Variants in ADGRB3 observed in about 807,000 individuals in gnomAD.
ADGRB3 encodes brain-specific angiogenesis inhibitor 3.
Under a neutral mutation model 193.4 loss-of-function variants are expected in ADGRB3, and 37 were observed. The observed-to-expected ratio is 0.19, with a 90% CI of 0.15 to 0.25. The LOEUF (loss-of-function observed/expected upper bound fraction) is 0.25, where lower values mean the gene tolerates loss of function less well. Among genes scored for constraint, ADGRB3 ranks in the 10% least tolerant of loss-of-function variants. ADGRB3 has a pLI of 1.00. For synonymous variants in ADGRB3, 690 were observed against 644.2 expected (o/e 1.07, Z -1.08); for missense variants, 1,637 against 1,852.9 (o/e 0.88, Z 2.14).
chr6:69,212,075 G>T (rs1243869593), intron 17 of ADGRB3, among the ~76,000 whole-genome samples: 1 of 152,130 alleles, frequency 6.6e-6, no homozygotes, highest in African/African-American at 2.4e-5. Context: ...AAATTCTGAT[G>T]CAAGAACATA....
chr6:68,754,085 G>C (rs911207384), intron 3 of ADGRB3, among the ~76,000 whole-genome samples: 3 of 152,014 alleles, frequency 2.0e-5, no homozygotes, highest in Non-Finnish European at 4.4e-5. Flanking sequence ...TTGTGATTTG[G>C]GTCCCTCATT....
chr6:68,912,760 G>T (rs1766754100), intron 3 of ADGRB3, among the ~76,000 whole-genome samples: 1 of 151,934 alleles, frequency 6.6e-6, no homozygotes, highest in Admixed American at 6.6e-5. Context: ...GCTTAATCCA[G>T]TGCCTCACTC....
chr6:68,654,217 G>A (rs1222783042), intron 3 of ADGRB3, among the ~76,000 whole-genome samples: 4 of 151,998 alleles, frequency 2.6e-5, no homozygotes, highest in Non-Finnish European at 2.9e-5. Context: ...TCCCCTCAGA[G>A]GCGGGAGAGG....
intron 20 of ADGRB3, among the ~76,000 whole-genome samples, chr6:69,324,393 A>C (rs975537429): frequency 6.6e-6 from 1 of 152,140 alleles, no homozygotes; most frequent in Non-Finnish European, 1.5e-5. Context: ...AGAGCAAACT[A>C]ATCTTTTTCT....
chr6:68,953,089 C>T (rs1188195767), intron 6 of ADGRB3, among the ~76,000 whole-genome samples: 1 of 152,108 alleles, frequency 6.6e-6, no homozygotes. Flanking sequence ...CTTCCTAATT[C>T]TTCATAGAAA....
chr6:69,208,052 G>A (rs906974999), intron 17 of ADGRB3, among the ~76,000 whole-genome samples: 1 of 152,200 alleles, frequency 6.6e-6, no homozygotes, highest in African/African-American at 2.4e-5. Context: ...GGCAAATTGG[G>A]CACTCAGCAG....
At chr6:68,948,813 A>G (rs776514112) in intron 6 of ADGRB3, among the ~76,000 whole-genome samples, 11 of 152,118 alleles carry the variant, frequency 7.2e-5, no homozygotes, top group Non-Finnish European at 1.3e-4. Context: ...CTATTGGTAA[A>G]TAAGTCTTCA....
intron 5 of ADGRB3, among the ~76,000 whole-genome samples, chr6:68,939,275 A>T (rs561812549): frequency 6.4e-4 from 97 of 152,288 alleles, no homozygotes; most frequent in East Asian, 2.3e-3. Context: ...GAAAAATCAG[A>T]TCTTGGTGAT....
At chr6:68,994,146 G>A (rs184619936) in intron 11 of ADGRB3, among the ~76,000 whole-genome samples, 184 bp downstream of exon 11, 10 of 152,082 alleles carry the variant, frequency 6.6e-5, no homozygotes, top group African/African-American at 2.4e-4. Context: ...CAATGTCCTC[G>A]CCCATAAAAT....
At chr6:68,857,031 G>A (rs940295845) in intron 3 of ADGRB3, among the ~76,000 whole-genome samples, 2 of 152,184 alleles carry the variant, frequency 1.3e-5, no homozygotes, top group African/African-American at 2.4e-5. Flanking sequence ...AGCTTCCATG[G>A]GGTGTTGAGC....
chr6:68,926,847 T>G, intron 3 of ADGRB3, among the ~76,000 whole-genome samples: 1 of 152,184 alleles, frequency 6.6e-6, no homozygotes, highest in East Asian at 1.9e-4. Context: ...AAAAGTCAAA[T>G]TTTAAGTCTA....
At chr6:68,756,308 A>C (rs191139841) in intron 3 of ADGRB3, among the ~76,000 whole-genome samples, 9 of 152,330 alleles carry the variant, frequency 5.9e-5, no homozygotes, top group African/African-American at 1.9e-4. Flanking sequence ...CCTTCCTATC[A>C]ACCCCATGGG....
intron 3 of ADGRB3, among the ~76,000 whole-genome samples, chr6:68,672,183 A>C (rs1455700874): frequency 4.0e-5 from 6 of 150,934 alleles, no homozygotes; most frequent in Non-Finnish European, 8.9e-5. Context: ...AAAGTTTGTA[A>C]ATTTGTTTAA....
chr6:69,049,366 A>G lies in ADGRB3; in HGVS notation c.2333+20A>G. ...TTTGAGGTAAGCTACAAAGTAATAA[A>G]CTGTTGTAATTTTGTAAATTATTCC... On this transcript the variant is annotated intron_variant, in intron 15 of 31. Transcript: ENST00000370598. The G allele has an allele frequency of 6.4e-7, 1 of 1,550,936 alleles. No individual in the cohort carries two copies. The highest frequency in any genetic ancestry group is 8.8e-7 in the Non-Finnish European group (1 of 1,131,840).
intron 5 of ADGRB3, among the ~76,000 whole-genome samples, chr6:68,938,610 T>G (rs1283693522): frequency 6.6e-6 from 1 of 152,112 alleles, no homozygotes; most frequent in Non-Finnish European, 1.5e-5. Flanking sequence ...ATAGTCACCA[T>G]GCGGTATAAT....
At chr6:68,821,715 C>CT (rs1767750802) in intron 3 of ADGRB3, among the ~76,000 whole-genome samples, 2 of 151,356 alleles carry the variant, frequency 1.3e-5, no homozygotes, top group South Asian at 4.1e-4. Flanking sequence ...TTTTAATAAA[C>CT]TCATCTGGTA....
chr6:68,976,917 T>C (rs1768765945), intron 10 of ADGRB3, among the ~76,000 whole-genome samples: 2 of 151,564 alleles, frequency 1.3e-5, no homozygotes, highest in African/African-American at 4.8e-5. Context: ...CTTATTTCTG[T>C]TGTAAATATA....
intron 17 of ADGRB3, among the ~76,000 whole-genome samples, chr6:69,177,753 C>G (rs534466294): frequency 6.6e-6 from 1 of 152,148 alleles, no homozygotes; most frequent in Non-Finnish European, 1.5e-5. Context: ...TTTGAAATAA[C>G]TTCTTGGTAT....
intron 17 of ADGRB3, among the ~76,000 whole-genome samples, chr6:69,092,941 G>T (rs1225994830): frequency 3.3e-5 from 5 of 151,962 alleles, no homozygotes; most frequent in Middle Eastern, 3.4e-3. Context: ...GGGGTGGGCA[G>T]CCGAGATTCA....
Sources: gnomAD v4.1 joint callset for allele counts (sites outside exome capture counted in the v4.1 genomes callset) on GRCh38, gnomAD v4.1.1 for gene constraint, MANE v1.5 for transcripts, NCBI Gene and HGNC (gene_info 2026-07-23, HGNC 2026-07-21) for gene names.